PARP11: variants seen among roughly 807,000 people sequenced by gnomAD.
PARP11 encodes poly(ADP-ribose) polymerase family member 11.
A neutral mutation model predicts 42.9 loss-of-function variants in PARP11; 31 were observed. The ratio of observed to expected loss-of-function variants is 0.72; its 90% CI spans 0.54 to 0.98. The LOEUF (loss-of-function observed/expected upper bound fraction) is 0.98, where lower values mean the gene tolerates loss of function less well. PARP11 is among the 50% of genes least tolerant of loss of function. PARP11 has a pLI of 0.00. For missense variants in PARP11, 365 were observed against 413.1 expected (o/e 0.88, Z 1.01); for synonymous variants, 137 against 127.3 (o/e 1.08, Z -0.51).
In PARP11 at chr12:3,840,375, G is replaced by C. The variant is rs1440346230; in HGVS notation, c.19-10357C>G. ...CTGGACAAAATTTCCATTCTGATAT[G>C]GATTACAGAGGGCCAAAGAATCCAA... On this transcript the variant is annotated intron_variant, in intron 1 of 7. Coordinates refer to ENST00000228820, the MANE Select transcript of PARP11 (RefSeq NM_020367.6). The surrounding 1 kb of genome is among the most constrained non-coding windows in gnomAD (Gnocchi z 4.4). The C allele has an allele frequency of 1.9e-6, 3 of 1,613,792 alleles. No individual in the cohort carries two copies. Among genetic ancestry groups the C allele is most frequent in the Non-Finnish European group, 2.5e-6 (3 of 1,179,804 alleles).
At chr12:3,833,179 G>A (rs1167614670) in intron 1 of PARP11, among the ~76,000 whole-genome samples, 1 of 152,124 alleles carries the variant, frequency 6.6e-6, no homozygotes, top group East Asian at 1.9e-4. Flanking sequence ...ATCATATTTG[G>A]TAATAACAAC....
chr12:3,845,556 C>G (rs1947979683), intron 1 of PARP11, among the ~76,000 whole-genome samples: 1 of 152,164 alleles, frequency 6.6e-6, no homozygotes, highest in South Asian at 2.1e-4. Context: ...TTTTACCCTT[C>G]ATTTTTAGAT....
intron 4 of PARP11, among the ~76,000 whole-genome samples, chr12:3,823,735 G>A (rs1033709608): frequency 5.9e-5 from 9 of 152,122 alleles, no homozygotes; most frequent in African/African-American, 2.2e-4. Flanking sequence ...GGGCAACAGA[G>A]TGAAACCCCA....
intron 1 of PARP11, among the ~76,000 whole-genome samples, chr12:3,855,572 T>C (rs1357453156): frequency 2.0e-5 from 3 of 152,146 alleles, no homozygotes; most frequent in Non-Finnish European, 2.9e-5. Context: ...TTACAAGGGA[T>C]GTGAAGGACC....
chr12:3,863,148 A>T (rs1463900075), intron 1 of PARP11, among the ~76,000 whole-genome samples: 1 of 152,228 alleles, frequency 6.6e-6, no homozygotes, highest in Non-Finnish European at 1.5e-5. Flanking sequence ...ATTGCATTTT[A>T]AAAGTCAATT....
intron 1 of PARP11, among the ~76,000 whole-genome samples, chr12:3,867,198 C>A (rs1948408604): frequency 6.6e-6 from 1 of 152,126 alleles, no homozygotes; most frequent in East Asian, 1.9e-4. Flanking sequence ...CTAAAAGATT[C>A]TTTATATGAA....
chr12:3,865,174 A>G (rs1255484403), intron 1 of PARP11, among the ~76,000 whole-genome samples: 1 of 152,114 alleles, frequency 6.6e-6, no homozygotes, highest in Non-Finnish European at 1.5e-5. Context: ...TCTTTCTGTT[A>G]CTGGTTTCTA....
intron 1 of PARP11, among the ~76,000 whole-genome samples, chr12:3,871,298 T>C (rs922181767): frequency 1.3e-5 from 2 of 152,236 alleles, no homozygotes; most frequent in African/African-American, 4.8e-5. Flanking sequence ...TACACAATTA[T>C]GCATTGCATA....
chr12:3,822,503 G>A (rs1316697305), intron 4 of PARP11, among the ~76,000 whole-genome samples: 2 of 148,922 alleles, frequency 1.3e-5, no homozygotes, highest in Admixed American at 6.8e-5. Flanking sequence ...GGAGGCTGAG[G>A]CAGGAGAATG....
At position 3,812,406 on chromosome 12, in the gene PARP11, C is replaced by G; in HGVS notation, c.734G>C (p.Ser245Thr). The change falls in exon 8 of 8, where the codon AGT (serine) becomes ACT (threonine). Residue 245 changes from serine to threonine, a missense_variant. Ser to Thr is a moderately conservative substitution (Grantham distance 58). Coordinates refer to ENST00000228820, the MANE Select transcript of PARP11 (RefSeq NM_020367.6). ...TYFARDAAYS[S>T]RFCKDDIKHG... Reference sequence around the variant, plus strand: ...CTTTATGTCATCTTTGCAGAAACGACTGGAATAAGCAGCATCTCTAGCAAA... The same window carrying G: ...CTTTATGTCATCTTTGCAGAAACGAGTGGAATAAGCAGCATCTCTAGCAAA... 1 of 1,613,160 alleles carries G rather than the reference C, an allele frequency of 6.2e-7. No homozygotes were observed. The highest frequency in any genetic ancestry group is 1.7e-5 in the Admixed American group (1 of 59,890).
At chr12:3,850,200 T>C (rs1565546440) in intron 1 of PARP11, among the ~76,000 whole-genome samples, 1 of 152,094 alleles carries the variant, frequency 6.6e-6, no homozygotes, top group Non-Finnish European at 1.5e-5. Flanking sequence ...TCCCCTTTTT[T>C]CTATCAGCTT....
At chr12:3,824,339 A>G (rs1313579473) in intron 4 of PARP11, among the ~76,000 whole-genome samples, 1 of 152,218 alleles carries the variant, frequency 6.6e-6, no homozygotes, top group Non-Finnish European at 1.5e-5. Context: ...ATGAATAAAA[A>G]TATTTCCCCA....
Position 3,861,297 on chromosome 12 carries a change from G to A in PARP11, c.18+11915C>T, listed in dbSNP as rs1948288028. Among the ~76,000 whole-genome samples the A allele has an allele frequency of 6.6e-6, 1 of 152,154 alleles. No individual in the cohort carries two copies. Among genetic ancestry groups the A allele is most frequent in the East Asian group, 1.9e-4 (1 of 5,198 alleles). On this transcript the variant is annotated intron_variant, in intron 1 of 7. Coordinates refer to ENST00000228820, the MANE Select transcript of PARP11 (RefSeq NM_020367.6). This position sits in a 1 kb window ranked among gnomAD's most constrained non-coding sequence, Gnocchi z 4.6. ...TAACTCCTAATGTGATATGAAAATG[G>A]GGCCTTTGGGAGGTGATTAGATCAT...
In PARP11 at chr12:3,821,875, G is replaced by T; in HGVS notation, c.546C>A (p.Cys182Ter). 6.2e-7 allele frequency: 1 copy of T among 1,604,734 alleles called. No homozygotes were observed. Among genetic ancestry groups the T allele is most frequent in the Non-Finnish European group, 8.5e-7 (1 of 1,178,004 alleles). Reference sequence around the variant, plus strand: ...TTTCAGATTAGAAATCATCTCACCTGCAAAAGAACTCCCACAAATCTAGGT... The same window carrying T: ...TTTCAGATTAGAAATCATCTCACCTTCAAAAGAACTCCCACAAATCTAGGT... ...IQNLDLWEFFCRKKAQLKKKR... is the reference protein window; with the variant it reads ...IQNLDLWEFF Residue 182 changes from cysteine to a stop codon, truncating the protein, a stop_gained and splice_region_variant, in exon 6 of 8, where the codon TGC becomes TGA. Transcript: ENST00000228820. LOFTEE classifies it high-confidence loss of function.
chr12:3,873,206 A>G lies in PARP11; in HGVS notation c.18+6T>C, dbSNP rs962804246. The G allele has an allele frequency of 3.9e-6, 6 of 1,546,398 alleles. No homozygotes were observed. The highest frequency in any genetic ancestry group is 5.2e-6 in the Non-Finnish European group (6 of 1,145,470). The stretch of plus-strand genomic sequence containing the variant: ...TGGGCCCGCCCCGTCCCGCCCGGCT[A>G]CTCACTGGATTCGCTTCCCACATAA... On this transcript the variant is annotated splice_donor_region_variant and intron_variant, in intron 1 of 7. Transcript: ENST00000228820.
chr12:3,855,241 C>T (rs1253639951), intron 1 of PARP11, among the ~76,000 whole-genome samples: 1 of 152,208 alleles, frequency 6.6e-6, no homozygotes, highest in African/African-American at 2.4e-5. Flanking sequence ...GATGCCCTCT[C>T]TCACCACTCC....
intron 1 of PARP11, among the ~76,000 whole-genome samples, chr12:3,858,740 A>C (rs980902197): frequency 6.6e-6 from 1 of 152,094 alleles, no homozygotes; most frequent in African/African-American, 2.4e-5. Flanking sequence ...TCCTGAACAC[A>C]TTATTTTTTC....
chr12:3,830,714 T>C (rs1488094983), intron 1 of PARP11, among the ~76,000 whole-genome samples: 2 of 152,076 alleles, frequency 1.3e-5, no homozygotes, highest in Non-Finnish European at 2.9e-5. Context: ...CAGATGAAAA[T>C]TCATTTAGGT....
At chr12:3,839,561 T>G in intron 1 of PARP11, 1 of 1,458,666 alleles carries the variant, frequency 6.9e-7, no homozygotes. Flanking sequence ...GGAGGATCAT[T>G]TGAAGGATAT....
Sources: allele counts gnomAD v4.1 joint callset (sites outside exome capture counted in the v4.1 genomes callset), GRCh38; gene constraint gnomAD v4.1.1; non-coding constraint Gnocchi (gnomAD v3.1); transcripts MANE v1.5; gene names NCBI Gene and HGNC (gene_info 2026-07-23, HGNC 2026-07-21).